HTR2A: variants seen among roughly 807,000 people sequenced by gnomAD.
The protein encoded by HTR2A is 5-hydroxytryptamine receptor 2A.
Under a neutral mutation model 31.0 loss-of-function variants are expected in HTR2A, and 14 were observed. That is an observed-to-expected ratio of 0.45 (90% CI 0.30 to 0.71). The LOEUF is 0.71. Ranked by LOEUF, HTR2A falls within the 30% of genes least tolerant of loss-of-function variation. HTR2A has a pLI of 0.09. For synonymous variants in HTR2A, 209 were observed against 225.2 expected (o/e 0.93, Z 0.64); for missense variants, 442 against 573.3 (o/e 0.77, Z 2.34).
At chr13:46,845,680 C>T (rs1199110881) in intron 3 of HTR2A, among the ~76,000 whole-genome samples, 1 of 149,648 alleles carries the variant, frequency 6.7e-6, no homozygotes, top group Non-Finnish European at 1.5e-5. Context: ...ACTAGGGAGG[C>T]AGAGGATACA....
At chr13:46,851,621 G>T (rs1224760705) in intron 3 of HTR2A, among the ~76,000 whole-genome samples, 1 of 152,210 alleles carries the variant, frequency 6.6e-6, no homozygotes, top group Non-Finnish European at 1.5e-5. Context: ...TAGAGTAACT[G>T]GGAGAGAGAC....
intron 3 of HTR2A, among the ~76,000 whole-genome samples, chr13:46,838,718 CA>C (rs1374412116): frequency 6.6e-6 from 1 of 152,032 alleles, no homozygotes. Context: ...TGATGAATTA[CA>C]GCATTACTAT....
intron 3 of HTR2A, among the ~76,000 whole-genome samples, chr13:46,888,153 T>C (rs911789227): frequency 2.6e-5 from 4 of 151,702 alleles, no homozygotes; most frequent in African/African-American, 4.8e-5. Flanking sequence ...ATACATGAGA[T>C]TGGAGTCCCA....
chr13:46,857,483 A>G (rs1039274719), intron 3 of HTR2A, among the ~76,000 whole-genome samples: 9 of 152,132 alleles, frequency 5.9e-5, no homozygotes, highest in African/African-American at 1.9e-4. Flanking sequence ...TAAGGGCTCT[A>G]ATCTCATTCC....
intron 3 of HTR2A, among the ~76,000 whole-genome samples, chr13:46,856,569 C>T (rs1211734424): frequency 6.6e-6 from 1 of 151,616 alleles, no homozygotes; most frequent in Non-Finnish European, 1.5e-5. Flanking sequence ...CAAATCCTTC[C>T]CCAGTAGGCT....
In HTR2A at chr13:46,875,172, T is replaced by C. The variant is rs139048004; in HGVS notation, c.613+17218A>G. Among the ~76,000 whole-genome samples the C allele has an allele frequency of 5.1e-3, 783 of 152,306 alleles. 8 individuals are homozygous for C. Among genetic ancestry groups the C allele is most frequent in the African/African-American group, 0.018 (751 of 41,560 alleles). ...TGTCGAGTGGGAATTAATTGCACAATGTATTAATTATGGGAATATAGCCTA... is the reference window on the plus strand; with the variant it reads ...TGTCGAGTGGGAATTAATTGCACAACGTATTAATTATGGGAATATAGCCTA... On this transcript the variant is annotated intron_variant, in intron 3 of 3. Coordinates refer to ENST00000542664, the MANE Select transcript of HTR2A (RefSeq NM_000621.5).
intron 3 of HTR2A, among the ~76,000 whole-genome samples, chr13:46,889,933 CT>C (rs375047522): frequency 4.6e-5 from 7 of 152,124 alleles, no homozygotes; most frequent in African/African-American, 1.7e-4. Flanking sequence ...TTCTATGTAA[CT>C]TTTTTTTATT....
rs1214279189 is a variant in HTR2A at position 46,850,538 on chromosome 13, C to T, written c.614-14899G>A. Among the ~76,000 whole-genome samples, 12 of 152,188 alleles carry T rather than the reference C, an allele frequency of 7.9e-5. 1 individual carries two copies. The highest frequency in any genetic ancestry group is 5.9e-4 in the Admixed American group (9 of 15,280). On this transcript the variant is annotated intron_variant, in intron 3 of 3. Transcript: ENST00000542664. ...TGTAGCCTCAGCACACTTTCGCCATCAGGTATGCAGGCTTGGGGATCAAAC... is the reference window on the plus strand; with the variant it reads ...TGTAGCCTCAGCACACTTTCGCCATTAGGTATGCAGGCTTGGGGATCAAAC...
rs376986106 is a variant in HTR2A at position 46,841,844 on chromosome 13, C to T, written c.614-6205G>A. ...CACTTAAGAACCCATCCACATCTCT[C>T]TTGTCTCAGAGAAGATTGACTTTCA... On this transcript the variant is annotated intron_variant, in intron 3 of 3. Transcript: ENST00000542664. Among the ~76,000 whole-genome samples the T allele has an allele frequency of 5.7e-4, 87 of 152,274 alleles. 1 individual carries two copies. The South Asian group carries it at 0.018, about 31-fold the overall frequency.
chr13:46,868,120 T>G (rs555623685), intron 3 of HTR2A, among the ~76,000 whole-genome samples: 1 of 152,314 alleles, frequency 6.6e-6, no homozygotes, highest in South Asian at 2.1e-4. Context: ...TTTTAAACAT[T>G]TTTCTTTCCA....
In HTR2A at chr13:46,833,684, G is replaced by A. The variant is rs1027302440; in HGVS notation, c.*1153C>T. ...CCTGGCCGAGCCATTTCGTTTGAAGGCAAGGATTTTGTTTTAATTATTTTT... is the reference window on the plus strand; with the variant it reads ...CCTGGCCGAGCCATTTCGTTTGAAGACAAGGATTTTGTTTTAATTATTTTT... On this transcript the variant is annotated 3_prime_UTR_variant, in exon 4 of 4. Transcript: ENST00000542664. 1 of 152,122 alleles carries A rather than the reference G, an allele frequency of 6.6e-6. No homozygotes were observed. The highest frequency in any genetic ancestry group is 1.5e-5 in the Non-Finnish European group (1 of 68,022). 9.4% of individuals were successfully genotyped at this position (152,122 alleles called of 1,614,324 possible). A position where few individuals can be genotyped will look rare whatever the true frequency, so the allele number is the denominator to read the frequency against.
intron 3 of HTR2A, among the ~76,000 whole-genome samples, chr13:46,886,150 A>T (rs970860060): frequency 8.5e-5 from 13 of 152,176 alleles, no homozygotes; most frequent in African/African-American, 3.1e-4. Flanking sequence ...TTATTTAGAA[A>T]TTATTGGAAA....
intron 3 of HTR2A, among the ~76,000 whole-genome samples, chr13:46,848,490 TG>T (rs1301973937): frequency 2.0e-5 from 3 of 152,160 alleles, no homozygotes; most frequent in Admixed American, 6.5e-5. Context: ...AGGTAAAAAG[TG>T]GGGGAAAACC....
rs9562686 is a variant in HTR2A, at chr13:46,860,192, G to A, written c.614-24553C>T. 0.015 allele frequency among the ~76,000 whole-genome samples: 2,290 copies of A among 152,276 alleles called. 110 individuals are homozygous for A. The East Asian group carries it at 0.17, about 11-fold the overall frequency. ...CTGAGGACTGTGTGTGTTGGTTGGTGTCTGTGCTGTACAGGTTGGTAAATG... is the reference window on the plus strand; with the variant it reads ...CTGAGGACTGTGTGTGTTGGTTGGTATCTGTGCTGTACAGGTTGGTAAATG... On this transcript the variant is annotated intron_variant, in intron 3 of 3. Coordinates refer to ENST00000542664, the MANE Select transcript of HTR2A (RefSeq NM_000621.5).
At chr13:46,887,288 T>C (rs1195110769) in intron 3 of HTR2A, among the ~76,000 whole-genome samples, 1 of 151,792 alleles carries the variant, frequency 6.6e-6, no homozygotes, top group Non-Finnish European at 1.5e-5. Context: ...CCGGGTGTGG[T>C]GGCGGGCGCC....
At chr13:46,897,343 C>T (rs6311), upstream of HTR2A, among the ~76,000 whole-genome samples, 61,590 of 151,924 alleles carry the variant, frequency 0.41, 12,715 homozygotes, top group East Asian at 0.59. Context: ...TGTGAGTGTC[C>T]GGCACTTCCA....
At chr13:46,840,894 C>CA (rs1950592156) in intron 3 of HTR2A, among the ~76,000 whole-genome samples, 1 of 152,140 alleles carries the variant, frequency 6.6e-6, no homozygotes, top group Non-Finnish European at 1.5e-5. Flanking sequence ...TGGTTTCATT[C>CA]TGTGTCTCCA....
chr13:46,866,284 C>T (rs9534502), intron 3 of HTR2A, among the ~76,000 whole-genome samples: 7 of 152,074 alleles, frequency 4.6e-5, no homozygotes, highest in African/African-American at 7.2e-5. Flanking sequence ...ATAGGCTTAC[C>T]GAGAAAGCTG....
intron 3 of HTR2A, among the ~76,000 whole-genome samples, chr13:46,890,699 A>G (rs572587067): frequency 6.6e-5 from 10 of 152,292 alleles, no homozygotes; most frequent in African/African-American, 2.4e-4. Flanking sequence ...CCTTCCCAGC[A>G]TTTGTCTCAC....
Sources: allele counts gnomAD v4.1 joint callset (sites outside exome capture counted in the v4.1 genomes callset), GRCh38; gene constraint gnomAD v4.1.1; transcripts MANE v1.5; gene names NCBI Gene and HGNC (gene_info 2026-07-23, HGNC 2026-07-21).